Variants in A4GALT observed in about 807,000 individuals in gnomAD.
A4GALT encodes the protein alpha 1,4-galactosyltransferase (P1PK blood group).
For synonymous variants in A4GALT, 257 were observed against 220.7 expected (o/e 1.16, Z -1.46); for missense variants, 512 against 486.0 (o/e 1.05, Z -0.50).
At chr22:42,716,915 C>CAG (rs1325932805) in intron 1 of A4GALT, among the ~76,000 whole-genome samples, 2 of 152,226 alleles carry the variant, frequency 1.3e-5, no homozygotes, top group African/African-American at 4.8e-5. Flanking sequence ...GACAGACACT[C>CAG]TTCCTGTTTC....
intron 1 of A4GALT, among the ~76,000 whole-genome samples, chr22:42,696,356 G>T (rs1157070712): frequency 2.0e-5 from 3 of 150,998 alleles, no homozygotes; most frequent in Non-Finnish European, 4.4e-5. Flanking sequence ...GGAGGCGGAG[G>T]TTGCAGTGCG....
rs1930513422 is a variant in A4GALT, at chr22:42,692,553, C to T, written c.*337G>A. 1 of 463,944 alleles carries T rather than the reference C, an allele frequency of 2.2e-6. No individual in the cohort carries two copies. The highest frequency in any genetic ancestry group is 2.5e-5 in the Admixed American group (1 of 39,992). The allele number at this position is 463,944 out of a possible 1,614,324, so 28.7% of individuals were successfully genotyped here. On this transcript the variant is annotated 3_prime_UTR_variant, in exon 3 of 3. Coordinates refer to ENST00000642412, the MANE Select transcript of A4GALT (RefSeq NM_017436.7). The surrounding 1 kb of genome is among the most constrained non-coding windows in gnomAD (Gnocchi z 4.6). ...CCATCCCCTTAGCACCGGCCTCTGC[C>T]CTCGTGGGCACCTCTGTCCCAACTG...
chr22:42,701,201 A>G (rs984276353), intron 1 of A4GALT, among the ~76,000 whole-genome samples: 34 of 152,166 alleles, frequency 2.2e-4, no homozygotes, highest in African/African-American at 8.0e-4. Flanking sequence ...CTGGAGGACA[A>G]CGGCCTGCAC....
chr22:42,693,517 G>T lies in A4GALT; in HGVS notation c.435C>A (p.Asp145Glu), dbSNP rs758251960. 1 of 1,613,272 alleles carries T rather than the reference G, an allele frequency of 6.2e-7. No homozygotes were observed. Among genetic ancestry groups the T allele is most frequent in the Non-Finnish European group, 8.5e-7 (1 of 1,179,978 alleles). Residue 145 changes from aspartate (D) to glutamate (E), a missense_variant, in exon 3 of 3, where the codon GAC (aspartate) becomes GAA (glutamate). Coordinates refer to ENST00000642412, the MANE Select transcript of A4GALT (RefSeq NM_017436.7). ...GTGTGTCCCGGAACAGCTCCCGCAG[G>T]TCCAGCGGGAGCATCTGGACATTCG... ...CFPNVQMLPL[D>E]LRELFRDTPL...
intron 1 of A4GALT, among the ~76,000 whole-genome samples, chr22:42,709,150 G>T (rs5758884): frequency 4.7e-5 from 7 of 149,306 alleles, no homozygotes; most frequent in South Asian, 4.2e-4. Flanking sequence ...CTACTTTCCA[G>T]GCTCAAGTAC....
At chr22:42,697,551 G>A (rs1286253491) in intron 1 of A4GALT, among the ~76,000 whole-genome samples, 1 of 152,062 alleles carries the variant, frequency 6.6e-6, no homozygotes, top group African/African-American at 2.4e-5. Context: ...GGCGGGGTCC[G>A]GGCCCACTTG....
chr22:42,711,550 G>A (rs1921695079), intron 1 of A4GALT, among the ~76,000 whole-genome samples: 1 of 152,198 alleles, frequency 6.6e-6, no homozygotes, highest in Non-Finnish European at 1.5e-5. Flanking sequence ...AGAGACCAAT[G>A]CTGTTTTTAC....
At chr22:42,719,698 G>C (rs1038218086) in intron 1 of A4GALT, among the ~76,000 whole-genome samples, 4 of 152,092 alleles carry the variant, frequency 2.6e-5, no homozygotes, top group Admixed American at 2.6e-4. Context: ...CCCTGGGCAG[G>C]GTGGCTCCCT....
At chr22:42,705,723 C>T (rs1346838686) in intron 1 of A4GALT, among the ~76,000 whole-genome samples, 1 of 125,676 alleles carries the variant, frequency 8.0e-6, no homozygotes, top group African/African-American at 2.6e-5. Context: ...TAATTCCAGG[C>T]CAGGTGCGGT....
chr22:42,693,220 C>A lies in A4GALT; in HGVS notation c.732G>T (p.Trp244Cys), dbSNP rs746475139. 2 of 1,607,360 alleles carry A rather than the reference C, an allele frequency of 1.2e-6. No homozygotes were observed. The highest frequency in any genetic ancestry group is 2.2e-5 in the South Asian group (2 of 90,338). ...MRDFVDHYNGWIWGHQGPQLL... is the reference protein window; with the variant it reads ...MRDFVDHYNGCIWGHQGPQLL... The stretch of plus-strand genomic sequence containing the variant: ...GCTGCGGGCCCTGGTGACCCCAGAT[C>A]CAGCCGTTGTAGTGGTCCACGAAGT... Residue 244 changes from tryptophan (W) to cysteine (C), a missense_variant, in exon 3 of 3, where the codon TGG becomes TGT. Transcript: ENST00000642412.
At chr22:42,712,154 C>T (rs932008108) in intron 1 of A4GALT, among the ~76,000 whole-genome samples, 3 of 152,204 alleles carry the variant, frequency 2.0e-5, no homozygotes, top group Non-Finnish European at 2.9e-5. Context: ...TTTCTTCCTT[C>T]CCTGAGGCCA....
At chr22:42,717,948 G>A (rs1026675237) in intron 1 of A4GALT, among the ~76,000 whole-genome samples, 3 of 152,150 alleles carry the variant, frequency 2.0e-5, no homozygotes, top group Non-Finnish European at 4.4e-5. Flanking sequence ...TAGGAAATAC[G>A]AAGAAATATC....
intron 1 of A4GALT, among the ~76,000 whole-genome samples, chr22:42,712,671 G>A (rs1375041285): frequency 6.6e-6 from 1 of 152,232 alleles, no homozygotes; most frequent in East Asian, 1.9e-4. Flanking sequence ...CACTTTGAGA[G>A]GCCGAGGTGA....
In A4GALT at chr22:42,692,888, C is replaced by T. The variant is rs771365628; in HGVS notation, c.*2G>A. On this transcript the variant is annotated 3_prime_UTR_variant, in exon 3 of 3. Transcript: ENST00000642412. This position sits in a 1 kb window ranked among gnomAD's most constrained non-coding sequence, Gnocchi z 4.6. ...GGTTGGGGAGGTGACCTGGCGGGCCCCTCACAAGTACATTTTCATGGCCTC... is the reference window on the plus strand; with the variant it reads ...GGTTGGGGAGGTGACCTGGCGGGCCTCTCACAAGTACATTTTCATGGCCTC... 1.9e-6 allele frequency: 3 copies of T among 1,600,388 alleles called. No homozygotes were observed. Among genetic ancestry groups the T allele is most frequent in the East Asian group, 4.5e-5 (2 of 44,874 alleles).
rs561596374 is a variant in A4GALT at position 42,706,522 on chromosome 22, C to T, written c.-187-10891G>A. Reference sequence around the variant, plus strand: ...TTAAAAATATAAGAACAGCCGGGTGCGGTCGCTTACGCCTGTAATCTCAGC... The same window carrying T: ...TTAAAAATATAAGAACAGCCGGGTGTGGTCGCTTACGCCTGTAATCTCAGC... On this transcript the variant is annotated intron_variant, in intron 1 of 2. Transcript: ENST00000642412. 1.4e-3 allele frequency among the ~76,000 whole-genome samples: 209 copies of T among 151,874 alleles called. 4 individuals carry two copies. Among genetic ancestry groups the T allele is most frequent in the Non-Finnish European group, 4.0e-4 (27 of 67,958 alleles).
chr22:42,692,633 G>T lies in A4GALT; in HGVS notation c.*257C>A, dbSNP rs1231014187. On this transcript the variant is annotated 3_prime_UTR_variant, in exon 3 of 3. Coordinates refer to ENST00000642412, the MANE Select transcript of A4GALT (RefSeq NM_017436.7). The surrounding 1 kb of genome is among the most constrained non-coding windows in gnomAD (Gnocchi z 4.6). ...CTGAGGTTCATCCTTCCTGCCTGTTGTCTAGAAGGCCCGGGGCACTCACTG... is the reference window on the plus strand; with the variant it reads ...CTGAGGTTCATCCTTCCTGCCTGTTTTCTAGAAGGCCCGGGGCACTCACTG... 6 of 634,394 alleles carry T rather than the reference G, an allele frequency of 9.5e-6. No homozygotes were observed. Among genetic ancestry groups the T allele is most frequent in the South Asian group, 6.0e-5 (4 of 66,170 alleles). The allele number at this position is 634,394 out of a possible 1,614,324, so 39.3% of individuals were successfully genotyped here. A position where few individuals can be genotyped will look rare whatever the true frequency, so the allele number is the denominator to read the frequency against.
At chr22:42,716,983 C>T (rs1230025114) in intron 1 of A4GALT, among the ~76,000 whole-genome samples, 5 of 152,280 alleles carry the variant, frequency 3.3e-5, no homozygotes, top group South Asian at 2.1e-4. Context: ...ACAGCGTGAC[C>T]GCAGAAGGCT....
chr22:42,715,160 G>A (rs1351179299), intron 1 of A4GALT, among the ~76,000 whole-genome samples: 1 of 152,082 alleles, frequency 6.6e-6, no homozygotes, highest in Non-Finnish European at 1.5e-5. Flanking sequence ...GTGCTACAGT[G>A]TGACTTACGT....
At chr22:42,710,697 GAAAT>G (rs57644282) in intron 1 of A4GALT, among the ~76,000 whole-genome samples, 64,885 of 144,144 alleles carry the variant, frequency 0.45, 16,060 homozygotes, top group East Asian at 0.66. Context: ...ACTCCAGCTC[GAAAT>G]AAATAAATAA....
Sources: gnomAD v4.1 joint callset for allele counts (sites outside exome capture counted in the v4.1 genomes callset) on GRCh38, gnomAD v4.1.1 for gene constraint, Gnocchi (gnomAD v3.1) non-coding constraint, MANE v1.5 for transcripts, NCBI Gene and HGNC (gene_info 2026-07-23, HGNC 2026-07-21) for gene names.